The following SLC8A3 variants were observed in gnomAD, a reference collection of about 807,000 sequenced individuals.
SLC8A3 encodes sodium/calcium exchanger 3.
A neutral mutation model predicts 65.4 loss-of-function variants in SLC8A3; 37 were observed. The observed-to-expected ratio is 0.57, with a 90% CI of 0.44 to 0.74. The LOEUF (loss-of-function observed/expected upper bound fraction) is 0.74. SLC8A3 is among the 30% of genes least tolerant of loss of function. The probability of loss-of-function intolerance (pLI) is 0.00; values close to 1 mark genes in which losing one functional copy is unlikely to be tolerated. For synonymous variants in SLC8A3, 461 were observed against 444.5 expected, an observed-to-expected ratio of 1.04 and a Z score of -0.47; for missense variants, 1,112 against 1,172.1, an observed-to-expected ratio of 0.95 and a Z score of 0.75.
At chr14:70,070,279 C>G (rs1418402764) in intron 2 of SLC8A3, among the ~76,000 whole-genome samples, 2 of 152,354 alleles carry the variant, frequency 1.3e-5, no homozygotes, top group East Asian at 3.9e-4. Context: ...ATCCTCACAA[C>G]TAACCTGTTA....
intron 1 of SLC8A3, among the ~76,000 whole-genome samples, chr14:70,178,563 A>C (rs1172031372): frequency 6.6e-6 from 1 of 152,234 alleles, no homozygotes; most frequent in African/African-American, 2.4e-5. Flanking sequence ...GAAGGATAAG[A>C]ATTATGTGTA....
chr14:70,168,219 A>G lies in SLC8A3; in HGVS notation c.204T>C (p.Pro68=). ...VILPIWYPEN[P]SLGDKIARVI... is the part of the protein sequence containing the mutation. ...CCCTGGCAATCTTGTCCCCAAGGGA[A>G]GGGTTCTCCGGGTACCAGATTGGCA... Residue 68 remains proline (P), a synonymous_variant, in exon 2 of 7, where the codon CCT becomes CCC. Coordinates refer to ENST00000356921, the MANE Select transcript of SLC8A3 (RefSeq NM_182932.3). The G allele has an allele frequency of 6.2e-7, 1 of 1,614,190 alleles. No individual in the cohort carries two copies. Among genetic ancestry groups the G allele is most frequent in the Non-Finnish European group, 8.5e-7 (1 of 1,180,030 alleles).
intron 2 of SLC8A3, among the ~76,000 whole-genome samples, chr14:70,108,315 G>A (rs563147120): frequency 8.0e-5 from 12 of 150,818 alleles, no homozygotes; most frequent in South Asian, 2.1e-4. Context: ...CAGGAGAATC[G>A]CTTTAACCCG....
rs138600088 is a variant in SLC8A3, at chr14:70,145,440, T to A, written c.1784+21199A>T. Among the ~76,000 whole-genome samples the A allele has an allele frequency of 4.3e-3, 654 of 152,334 alleles. 7 individuals are homozygous for A. The highest frequency in any genetic ancestry group is 0.013 in the African/African-American group (533 of 41,582). ...GTGCCTGCACACCCACAGTGGCAAC[T>A]AAGTGTAATCTCTAAATATGGAATC... On this transcript the variant is annotated intron_variant, in intron 2 of 6. Coordinates refer to ENST00000356921, the MANE Select transcript of SLC8A3 (RefSeq NM_182932.3).
At chr14:70,124,092 A>G (rs1398663320) in intron 2 of SLC8A3, among the ~76,000 whole-genome samples, 3 of 152,228 alleles carry the variant, frequency 2.0e-5, no homozygotes, top group African/African-American at 4.8e-5. Flanking sequence ...GACTATGGAT[A>G]TAAACACCCC....
chr14:70,064,644 ACAGGCTTCTG>A (rs1208799774), intron 2 of SLC8A3, among the ~76,000 whole-genome samples: 4 of 152,142 alleles, frequency 2.6e-5, no homozygotes, highest in African/African-American at 9.7e-5. Flanking sequence ...CTATCTCCAA[ACAGGCTTCTG>A]CAGTCACAGG....
intron 3 of SLC8A3, chr14:70,055,722 G>T: frequency 3.1e-6 from 4 of 1,273,512 alleles, no homozygotes; most frequent in Non-Finnish European, 4.4e-6. Flanking sequence ...ATAAATCAAA[G>T]GACATTGGTC....
At chr14:70,094,403 A>G (rs1205771451) in intron 2 of SLC8A3, among the ~76,000 whole-genome samples, 1 of 152,212 alleles carries the variant, frequency 6.6e-6, no homozygotes, top group Non-Finnish European at 1.5e-5. Context: ...TTCCTTTCCC[A>G]TCCTTCAATT....
chr14:70,143,186 G>C (rs1351172713), intron 2 of SLC8A3, among the ~76,000 whole-genome samples: 8 of 152,186 alleles, frequency 5.3e-5, no homozygotes, highest in Admixed American at 3.3e-4. Flanking sequence ...GTTGCCTGTA[G>C]ATGCGTTAAG....
chr14:70,083,796 G>A (rs796908504), intron 2 of SLC8A3, among the ~76,000 whole-genome samples: 5 of 152,320 alleles, frequency 3.3e-5, no homozygotes, highest in African/African-American at 9.6e-5. Flanking sequence ...TTAGGCTCAT[G>A]TCTTCAGAAA....
At chr14:70,160,751 C>A (rs568745777) in intron 2 of SLC8A3, among the ~76,000 whole-genome samples, 73 of 151,978 alleles carry the variant, frequency 4.8e-4, no homozygotes, top group African/African-American at 1.7e-3. Context: ...CTCTGGACTT[C>A]CTGGAGAGTT....
chr14:70,167,304 T>A lies in SLC8A3; in HGVS notation c.1119A>T (p.Ala373=), dbSNP rs764779950. ...TGAGNILKKH[A]AEQAKKASSM... ...TGGAGGCCTTCTTGGCTTGTTCTGC[T>A]GCATGTTTCTTCAGGATATTGCCTG... Residue 373 remains alanine (A), a synonymous_variant, in exon 2 of 7, where the codon GCA becomes GCT. Coordinates refer to ENST00000356921, the MANE Select transcript of SLC8A3 (RefSeq NM_182932.3). The A allele has an allele frequency of 1.2e-6, 2 of 1,614,106 alleles. No homozygotes were observed. The highest frequency in any genetic ancestry group is 1.7e-5 in the Admixed American group (1 of 60,002).
At chr14:70,125,881 C>T (rs8005198) in intron 2 of SLC8A3, among the ~76,000 whole-genome samples, 2,281 of 152,212 alleles carry the variant, frequency 0.015, 51 homozygotes, top group African/African-American at 0.052. Flanking sequence ...AGGTTGAGAA[C>T]CACTGGTTTA....
rs1896125189 is a variant in SLC8A3, at chr14:70,149,412, G to A, written c.1784+17227C>T. Reference sequence around the variant, plus strand: ...GCTCCAGATCACTTGGCCATTAAGAGCAGGGCCCTCCATGTGAAGCAGCCC... The same window carrying A: ...GCTCCAGATCACTTGGCCATTAAGAACAGGGCCCTCCATGTGAAGCAGCCC... On this transcript the variant is annotated intron_variant, in intron 2 of 6. Transcript: ENST00000356921. Among the ~76,000 whole-genome samples, 5 of 152,318 alleles carry A rather than the reference G, an allele frequency of 3.3e-5. No individual in the cohort carries two copies. In the South Asian group the frequency reaches 1.0e-3, roughly 32 times the overall value.
At chr14:70,058,356 A>G (rs1888396951) in intron 3 of SLC8A3, among the ~76,000 whole-genome samples, 1 of 152,120 alleles carries the variant, frequency 6.6e-6, no homozygotes, top group Admixed American at 6.5e-5. Flanking sequence ...CTTTCACCTT[A>G]TGGTCTAATG....
At chr14:70,069,660 C>T (rs980805923) in intron 2 of SLC8A3, among the ~76,000 whole-genome samples, 2 of 152,110 alleles carry the variant, frequency 1.3e-5, no homozygotes, top group Non-Finnish European at 2.9e-5. Context: ...TGGACTGAAC[C>T]CCCCACCGCC....
chr14:70,168,106 G>T lies in SLC8A3; in HGVS notation c.317C>A (p.Thr106Asn), dbSNP rs1476712465. The T allele has an allele frequency of 1.2e-6, 2 of 1,614,142 alleles. No homozygotes were observed. The highest frequency in any genetic ancestry group is 1.7e-6 in the Non-Finnish European group (2 of 1,180,010). Residue 106 changes from threonine to asparagine, a missense_variant, in exon 2 of 7, where the codon ACC (threonine) becomes AAC (asparagine). Transcript: ENST00000356921. ...AATTGTCACCTCCCTCTCTTGAGAG[G>T]TGATGACTTCAATAGATGCCATGAA... ...DRFMASIEVI[T>N]SQEREVTIKK... is the part of the protein sequence containing the mutation.
At chr14:70,141,276 T>C (rs529270141) in intron 2 of SLC8A3, among the ~76,000 whole-genome samples, 3 of 152,356 alleles carry the variant, frequency 2.0e-5, no homozygotes, top group Non-Finnish European at 4.4e-5. Flanking sequence ...TCAGCATGTA[T>C]CACCCCATTT....
intron 2 of SLC8A3, among the ~76,000 whole-genome samples, chr14:70,138,522 C>G (rs144314872): frequency 0.011 from 1,637 of 152,352 alleles, 18 homozygotes; most frequent in Non-Finnish European, 0.017. Flanking sequence ...TCATCGGAAT[C>G]AAGCAGATTG....
Sources: allele counts gnomAD v4.1 joint callset (sites outside exome capture counted in the v4.1 genomes callset), GRCh38; gene constraint gnomAD v4.1.1; transcripts MANE v1.5; gene names NCBI Gene and HGNC (gene_info 2026-07-23, HGNC 2026-07-21).